The following ANKRD17 variants were observed in gnomAD, a reference collection of about 807,000 sequenced individuals.
ANKRD17 encodes ankyrin repeat domain 17.
A neutral mutation model predicts 229.7 loss-of-function variants in ANKRD17; 19 were observed. The observed-to-expected ratio is 0.08, with a 90% CI of 0.06 to 0.12. ANKRD17 has a LOEUF of 0.12. Among genes scored for constraint, ANKRD17 ranks in the 10% least tolerant of loss-of-function variants. ANKRD17 has a pLI of 1.00. For synonymous variants in ANKRD17, 1,112 were observed against 1,146.1 expected, an observed-to-expected ratio of 0.97 and a Z score of 0.60; for missense variants, 2,176 against 3,176.8, an observed-to-expected ratio of 0.68 and a Z score of 7.57.
chr4:73,149,024 T>C lies in ANKRD17; in HGVS notation c.1356A>G (p.Leu452=). Residue 452 remains leucine, a synonymous_variant, in exon 8 of 34, where the codon TTA becomes TTG. Coordinates refer to ENST00000358602, the MANE Select transcript of ANKRD17 (RefSeq NM_032217.5). ...CMDGHVEVAR[L]LLDSGAQVNM... ...TCACTTGGGCACCGCTGTCAAGAAG[T>C]AACCTAGCTACTTCAACATGGCCAT... 1 of 1,612,722 alleles carries C rather than the reference T, an allele frequency of 6.2e-7. No homozygotes were observed. Among genetic ancestry groups the C allele is most frequent in the Admixed American group, 1.7e-5 (1 of 59,806 alleles).
intron 30 of ANKRD17, among the ~76,000 whole-genome samples, chr4:73,079,908 T>C (rs900089971): frequency 6.6e-6 from 1 of 150,908 alleles, no homozygotes; most frequent in Non-Finnish European, 1.5e-5. Flanking sequence ...GGATCAGGAG[T>C]TCGAGGGGCC....
intron 1 of ANKRD17, among the ~76,000 whole-genome samples, chr4:73,233,614 T>A (rs973008969): frequency 6.6e-6 from 1 of 152,124 alleles, no homozygotes; most frequent in African/African-American, 2.4e-5. Flanking sequence ...CCACTCACCC[T>A]CCCATCCCCC....
At position 73,142,207 on chromosome 4, in the gene ANKRD17, C is replaced by T. The variant is rs965864971; in HGVS notation, c.2229+35G>A. 3 of 1,508,042 alleles carry T rather than the reference C, an allele frequency of 2.0e-6. No individual in the cohort carries two copies. The African/African-American group carries it at 4.3e-5, about 22-fold the overall frequency. The allele number at this position is 1,508,042 out of a possible 1,614,324, so 93.4% of individuals were successfully genotyped here. A position where few individuals can be genotyped will look rare whatever the true frequency, so the allele number is the denominator to read the frequency against. On this transcript the variant is annotated intron_variant, in intron 13 of 33. Transcript: ENST00000358602. ...AGTGAAAGAATTAGGATAAAGAAGA[C>T]ATACCATAAAATGCTTTAATTTTTA...
At chr4:73,207,985 G>A (rs949831735) in intron 1 of ANKRD17, among the ~76,000 whole-genome samples, 5 of 151,972 alleles carry the variant, frequency 3.3e-5, no homozygotes, top group African/African-American at 1.2e-4. Flanking sequence ...TCAGGAGATC[G>A]AGACCATCCT....
chr4:73,174,863 C>T (rs1397651330), intron 2 of ANKRD17, among the ~76,000 whole-genome samples: 1 of 152,040 alleles, frequency 6.6e-6, no homozygotes, highest in African/African-American at 2.4e-5. Context: ...GGAACTTAAT[C>T]AAAGAAGTGA....
At chr4:73,152,690 C>T (rs1731155229) in intron 6 of ANKRD17, among the ~76,000 whole-genome samples, 1 of 152,060 alleles carries the variant, frequency 6.6e-6, no homozygotes, top group Admixed American at 6.6e-5. Context: ...CCAGCAGGGA[C>T]TCAGTAGTGA....
At chr4:73,227,973 T>C (rs1046286116) in intron 1 of ANKRD17, among the ~76,000 whole-genome samples, 2 of 152,126 alleles carry the variant, frequency 1.3e-5, no homozygotes, top group African/African-American at 4.8e-5. Context: ...TCAAAATCTA[T>C]ATATTCAAAC....
chr4:73,204,908 A>T (rs1180417620), intron 1 of ANKRD17, among the ~76,000 whole-genome samples: 11 of 146,800 alleles, frequency 7.5e-5, no homozygotes. Flanking sequence ...AATACTAAAA[A>T]TACTCACAAA....
rs143737012 is a variant in ANKRD17 at position 73,119,894 on chromosome 4, A to T, written c.4025+268T>A. On this transcript the variant is annotated intron_variant, in intron 21 of 33. Transcript: ENST00000358602. ...TGTAAGTATGTCTGATAACAGATGG[A>T]TGTTCAAATAGCTTGTTATTGTAGA... Among the ~76,000 whole-genome samples, 930 of 152,312 alleles carry T rather than the reference A, an allele frequency of 6.1e-3. 10 individuals are homozygous for T. The highest frequency in any genetic ancestry group is 0.019 in the African/African-American group (771 of 41,570).
Position 73,077,022 on chromosome 4 carries a change from T to C in ANKRD17, c.7670A>G (p.Asn2557Ser). Residue 2557 changes from asparagine to serine, a missense_variant, in exon 33 of 34, where the codon AAT (asparagine) becomes AGT (serine). Around this residue, in one of 18 missense-constraint regions of ANKRD17, gnomAD observed 159 missense variants for 214.3 expected, o/e 0.74. Transcript: ENST00000358602. ...IPDGAGGPIF[N>S]GPHAADPSWN... ...AGAAGGGTCTGCAGCATGAGGGCCA[T>C]TAAATATGGGTCCTCCAGCACCATC... The C allele has an allele frequency of 6.2e-7, 1 of 1,613,790 alleles. No homozygotes were observed. Among genetic ancestry groups the C allele is most frequent in the Non-Finnish European group, 8.5e-7 (1 of 1,179,864 alleles).
At chr4:73,177,315 C>A (rs2148993180) in intron 2 of ANKRD17, 65 bp downstream of exon 2, 1 of 1,365,800 alleles carries the variant, frequency 7.3e-7, no homozygotes, top group South Asian at 2.1e-5. Context: ...TTAACAAGAG[C>A]TTTTATTAGA....
chr4:73,160,609 T>G (rs1732403546), intron 3 of ANKRD17, among the ~76,000 whole-genome samples: 1 of 152,196 alleles, frequency 6.6e-6, no homozygotes. Context: ...TAAAATGCCA[T>G]GTCACAAAAC....
rs2306059 is a variant in ANKRD17, at chr4:73,077,014, G to A, written c.7678C>T (p.His2560Tyr). The A allele has an allele frequency of 2.6e-5, 42 of 1,613,680 alleles. No individual in the cohort carries two copies. Among genetic ancestry groups the A allele is most frequent in the East Asian group, 1.8e-4 (8 of 44,874 alleles). Residue 2560 changes from histidine (H) to tyrosine (Y), a missense_variant, in exon 33 of 34, where the codon CAT becomes TAT. Around this residue, in one of 18 missense-constraint regions of ANKRD17, gnomAD observed 159 missense variants for 214.3 expected, o/e 0.74. Transcript: ENST00000358602. ...GAGGPIFNGPHAADPSWNSLI... is the reference protein window; with the variant it reads ...GAGGPIFNGPYAADPSWNSLI... Reference sequence around the variant, plus strand: ...GAGTTCCAAGAAGGGTCTGCAGCATGAGGGCCATTAAATATGGGTCCTCCA... The same window carrying A: ...GAGTTCCAAGAAGGGTCTGCAGCATAAGGGCCATTAAATATGGGTCCTCCA...
intron 2 of ANKRD17, among the ~76,000 whole-genome samples, chr4:73,169,862 G>A (rs1320896784): frequency 6.6e-6 from 1 of 152,190 alleles, no homozygotes; most frequent in Non-Finnish European, 1.5e-5. Context: ...ATGCCTGCTC[G>A]TGGAGGGAGC....
intron 1 of ANKRD17, among the ~76,000 whole-genome samples, chr4:73,240,019 C>A (rs145015842): frequency 8.5e-5 from 13 of 152,118 alleles, no homozygotes; most frequent in Middle Eastern, 3.4e-3. Context: ...ACTCCTAGTT[C>A]ATTTGAAATA....
chr4:73,234,761 C>G lies in ANKRD17; in HGVS notation c.393+23515G>C, dbSNP rs1743352398. Among the ~76,000 whole-genome samples, 3 of 152,192 alleles carry G rather than the reference C, an allele frequency of 2.0e-5. No homozygotes were observed. In the South Asian group the frequency reaches 6.2e-4, roughly 31 times the overall value. The stretch of plus-strand genomic sequence containing the variant: ...CCATACTAAACTGCTGACCTACTTT[C>G]TTAAGAGAATGATTCTGAAACTTCA... On this transcript the variant is annotated intron_variant, in intron 1 of 33. Transcript: ENST00000358602.
In ANKRD17 at chr4:73,219,380, T is replaced by G. The variant is rs553105440; in HGVS notation, c.393+38896A>C. Among the ~76,000 whole-genome samples, 61 of 152,320 alleles carry G rather than the reference T, an allele frequency of 4.0e-4. No homozygotes were observed. The South Asian group carries it at 0.012, about 31-fold the overall frequency. Reference sequence around the variant, plus strand: ...CAAAAAAAGTCTACCACATGGAGATTTGATATCATTACCAAAAATAATTTT... The same window carrying G: ...CAAAAAAAGTCTACCACATGGAGATGTGATATCATTACCAAAAATAATTTT... On this transcript the variant is annotated intron_variant, in intron 1 of 33. Coordinates refer to ENST00000358602, the MANE Select transcript of ANKRD17 (RefSeq NM_032217.5).
Position 73,078,739 on chromosome 4 carries a change from T to A in ANKRD17, c.7311A>T (p.Gln2437His). ...IGTERSARIRQTGTSAPSVIG... is the reference protein window; with the variant it reads ...IGTERSARIRHTGTSAPSVIG... ...TAACAGATGGAGCTGACGTTCCAGTTTGCCTGATACGTGCAGAACGTTCAG... is the reference window on the plus strand; with the variant it reads ...TAACAGATGGAGCTGACGTTCCAGTATGCCTGATACGTGCAGAACGTTCAG... The change falls in exon 31 of 34, where the codon CAA becomes CAT. Residue 2437 changes from glutamine (Q) to histidine (H), a missense_variant. By Grantham distance (24) the Gln-to-His change is conservative. Transcript: ENST00000358602. 1 of 1,614,146 alleles carries A rather than the reference T, an allele frequency of 6.2e-7. No homozygotes were observed. The highest frequency in any genetic ancestry group is 8.5e-7 in the Non-Finnish European group (1 of 1,180,020).
chr4:73,191,387 A>G (rs12510008), intron 1 of ANKRD17, among the ~76,000 whole-genome samples: 1,666 of 36,126 alleles, frequency 0.046, 16 homozygotes, highest in Middle Eastern at 0.16. Flanking sequence ...GTGTGTGTGT[A>G]TCTCCAGATG....
Sources: allele counts gnomAD v4.1 joint callset (sites outside exome capture counted in the v4.1 genomes callset), GRCh38; gene constraint gnomAD v4.1.1; regional missense constraint gnomAD v4.1.1; transcripts MANE v1.5; gene names NCBI Gene and HGNC (gene_info 2026-07-23, HGNC 2026-07-21).